TFEB: variants seen among roughly 807,000 people sequenced by gnomAD.
TFEB encodes T-cell transcription factor EB.
In TFEB, 12 loss-of-function variants were observed where a neutral mutation model predicts 48.0. The observed-to-expected ratio is 0.25, with a 90% CI of 0.16 to 0.40. TFEB has a LOEUF of 0.40. TFEB is among the 10% of genes least tolerant of loss of function. TFEB has a pLI of 1.00. For missense variants in TFEB, 509 were observed against 640.3 expected (o/e 0.79, Z 2.21); for synonymous variants, 244 against 261.4 (o/e 0.93, Z 0.64).
chr6:41,690,594 A>G, intron 3 of TFEB, 69 bp downstream of exon 3: 2 of 1,440,292 alleles, frequency 1.4e-6, no homozygotes, highest in Non-Finnish European at 1.8e-6. Flanking sequence ...TTAGACTGGG[A>G]GTCTCAGAAG....
intron 7 of TFEB, 75 bp downstream of exon 7, chr6:41,687,019 G>A (rs2127446101): frequency 3.9e-6 from 5 of 1,269,532 alleles, no homozygotes; most frequent in African/African-American, 2.9e-5. Context: ...AACTAGCATG[G>A]GGCTGAGGGC....
intron 4 of TFEB, chr6:41,688,303 G>A (rs1769121976): frequency 5.1e-6 from 2 of 393,416 alleles, no homozygotes; most frequent in African/African-American, 2.0e-5. Flanking sequence ...CAGGCATTAT[G>A]GAAGCCCTAG....
At chr6:41,706,514 C>G (rs906352562) in intron 1 of TFEB, among the ~76,000 whole-genome samples, 3 of 151,810 alleles carry the variant, frequency 2.0e-5, no homozygotes, top group African/African-American at 7.3e-5. Flanking sequence ...TACACCCCCC[C>G]ACCCCCATCC....
chr6:41,734,314 C>G lies in TFEB; in HGVS notation c.-23+1036G>C. ...CCCCGGGCTCCCTCCCTTCCTCACC[C>G]GGGGCGCGGGGCTGGGGCGCGCCAG... On this transcript the variant is annotated intron_variant, in intron 1 of 8. Transcript: ENST00000373033. The surrounding 1 kb of genome is among the most constrained non-coding windows in gnomAD (Gnocchi z 4.0). The G allele has an allele frequency of 1.0e-6, 1 of 983,704 alleles. No individual in the cohort carries two copies. The highest frequency in any genetic ancestry group is 1.2e-6 in the Non-Finnish European group (1 of 828,626). The allele number at this position is 983,704 out of a possible 1,614,324, so 60.9% of individuals were successfully genotyped here. A position where few individuals can be genotyped will look rare whatever the true frequency, so the allele number is the denominator to read the frequency against.
intron 1 of TFEB, among the ~76,000 whole-genome samples, chr6:41,713,635 G>T (rs1422523978): frequency 6.6e-6 from 1 of 152,178 alleles, no homozygotes; most frequent in Non-Finnish European, 1.5e-5. Context: ...CACCTGGTGG[G>T]CAGCAGGGAA....
rs572741066 is a variant in TFEB at position 41,734,960 on chromosome 6, C to T, written c.-23+390G>A. The T allele has an allele frequency of 2.2e-4, 214 of 985,402 alleles. No individual in the cohort carries two copies. In the African/African-American group the frequency reaches 3.1e-3, roughly 14 times the overall value. The allele number at this position is 985,402 out of a possible 1,614,324, so 61.0% of individuals were successfully genotyped here. On this transcript the variant is annotated intron_variant, in intron 1 of 8. Transcript: ENST00000373033. This position sits in a 1 kb window ranked among gnomAD's most constrained non-coding sequence, Gnocchi z 4.0. Reference sequence around the variant, plus strand: ...GTGTCCGGTGGAGGGGGAGTGGGCGCGGGGCCCGCGCGTCCCTCAAACTTC... The same window carrying T: ...GTGTCCGGTGGAGGGGGAGTGGGCGTGGGGCCCGCGCGTCCCTCAAACTTC...
At position 41,701,425 on chromosome 6, in the gene TFEB, G is replaced by A. The variant is rs568055906; in HGVS notation, c.-22-10190C>T. 1.7e-3 allele frequency among the ~76,000 whole-genome samples: 257 copies of A among 152,302 alleles called. 3 individuals carry two copies. Among genetic ancestry groups the A allele is most frequent in the Non-Finnish European group, 5.9e-4 (40 of 68,036 alleles). On this transcript the variant is annotated intron_variant, in intron 1 of 8. Coordinates refer to ENST00000373033, the MANE Select transcript of TFEB (RefSeq NM_001271944.2). ...TCAGAGAAATCACTTTTCTTCTTCA[G>A]AACCTCCACACCATCCCACCCATCA...
intron 1 of TFEB, among the ~76,000 whole-genome samples, chr6:41,717,146 G>C (rs138230564): frequency 6.6e-6 from 1 of 152,128 alleles, no homozygotes; most frequent in Non-Finnish European, 1.5e-5. Context: ...CTCGAAAATC[G>C]TGCTTCATTT....
chr6:41,687,020 G>C, intron 7 of TFEB, 74 bp downstream of exon 7: 1 of 1,281,644 alleles, frequency 7.8e-7, no homozygotes, highest in Admixed American at 1.7e-5. Flanking sequence ...ACTAGCATGG[G>C]GCTGAGGGCA....
chr6:41,735,666 T>C (rs1261263899), upstream of TFEB: 1 of 696,196 alleles, frequency 1.4e-6, no homozygotes, highest in Non-Finnish European at 1.8e-6. Context: ...CCAGCCGCTC[T>C]GCCTCGGCGC....
intron 5 of TFEB, 35 bp downstream of exon 5, chr6:41,687,873 G>T (rs1252149794): frequency 6.2e-7 from 1 of 1,609,876 alleles, no homozygotes; most frequent in Non-Finnish European, 8.5e-7. Context: ...GAGGAGTCGG[G>T]TATTCAAAGG....
At chr6:41,702,761 T>A (rs996416622) in intron 1 of TFEB, among the ~76,000 whole-genome samples, 3 of 152,210 alleles carry the variant, frequency 2.0e-5, no homozygotes, top group African/African-American at 4.8e-5. Context: ...TCTCTCAGCC[T>A]CCACAGGCCC....
chr6:41,724,332 C>G lies in TFEB; in HGVS notation c.-23+11018G>C, dbSNP rs994273326. Reference sequence around the variant, plus strand: ...AGGTTAAGCTATTATCGGTCGTCTGCGTCTCAGGGTGGATGAGTTTACTGG... The same window carrying G: ...AGGTTAAGCTATTATCGGTCGTCTGGGTCTCAGGGTGGATGAGTTTACTGG... On this transcript the variant is annotated intron_variant, in intron 1 of 8. Coordinates refer to ENST00000373033, the MANE Select transcript of TFEB (RefSeq NM_001271944.2). The surrounding 1 kb of genome is among the most constrained non-coding windows in gnomAD (Gnocchi z 4.4). 6.6e-6 allele frequency among the ~76,000 whole-genome samples: 1 copy of G among 152,156 alleles called. No individual in the cohort carries two copies. Among genetic ancestry groups the G allele is most frequent in the Admixed American group, 6.5e-5 (1 of 15,278 alleles).
chr6:41,699,181 T>C (rs1581895139), intron 1 of TFEB, among the ~76,000 whole-genome samples: 1 of 152,240 alleles, frequency 6.6e-6, no homozygotes, highest in Non-Finnish European at 1.5e-5. Flanking sequence ...GTCTACCTCA[T>C]AGCAGTTGTG....
rs556616876 is a variant in TFEB, at chr6:41,732,039, T to C, written c.-23+3311A>G. Among the ~76,000 whole-genome samples the C allele has an allele frequency of 2.6e-5, 4 of 152,338 alleles. No individual in the cohort carries two copies. The South Asian group carries it at 8.3e-4, about 32-fold the overall frequency. The stretch of plus-strand genomic sequence containing the variant: ...AGTTCCCACCCTGCTTTTTTATTTT[T>C]ATTTTTTTCATACAAATTCTTTTTT... On this transcript the variant is annotated intron_variant, in intron 1 of 8. Transcript: ENST00000373033.
chr6:41,735,008 C>T (rs1483804003), intron 1 of TFEB: 1 of 985,474 alleles, frequency 1.0e-6, no homozygotes, highest in Non-Finnish European at 1.2e-6. Flanking sequence ...CATCACGCCT[C>T]CCGCCCCTTC....
chr6:41,732,566 CCTAGACA>C (rs1339909958), intron 1 of TFEB: 6 of 985,736 alleles, frequency 6.1e-6, no homozygotes, highest in Non-Finnish European at 7.2e-6. Context: ...TACCCACATT[CCTAGACA>C]CTTTAACCAC....
rs1049250641 is a variant in TFEB at position 41,733,672 on chromosome 6, T to G, written c.-23+1678A>C. The G allele has an allele frequency of 3.0e-6, 3 of 985,298 alleles. No individual in the cohort carries two copies. In the African/African-American group the frequency reaches 5.2e-5, roughly 17 times the overall value. 61.0% of individuals were successfully genotyped at this position (985,298 alleles called of 1,614,324 possible). A position where few individuals can be genotyped will look rare whatever the true frequency, so the allele number is the denominator to read the frequency against. On this transcript the variant is annotated intron_variant, in intron 1 of 8. Coordinates refer to ENST00000373033, the MANE Select transcript of TFEB (RefSeq NM_001271944.2). ...GCATGGTGAAAGCATACCGTCAGGT[T>G]AGCAGGCAGGGACCTCAAGGCAGCT...
In TFEB at chr6:41,712,719, C is replaced by T. The variant is rs531882563; in HGVS notation, c.-22-21484G>A. 4.6e-5 allele frequency among the ~76,000 whole-genome samples: 7 copies of T among 152,076 alleles called. No homozygotes were observed. In the South Asian group the frequency reaches 8.3e-4, roughly 18 times the overall value. On this transcript the variant is annotated intron_variant, in intron 1 of 8. Coordinates refer to ENST00000373033, the MANE Select transcript of TFEB (RefSeq NM_001271944.2). ...GCCGGTGCCAGGCCCTGGGCAGGCA[C>T]GGGGCCCAGGCACACAATGGGGCTG... is the stretch of plus-strand genomic sequence containing the variant.
Sources: gnomAD v4.1 joint callset for allele counts (sites outside exome capture counted in the v4.1 genomes callset) on GRCh38, gnomAD v4.1.1 for gene constraint, Gnocchi (gnomAD v3.1) non-coding constraint, MANE v1.5 for transcripts, NCBI Gene and HGNC (gene_info 2026-07-23, HGNC 2026-07-21) for gene names.